Variants in ADCY5 observed in about 807,000 individuals in gnomAD.
ADCY5 encodes adenylate cyclase type 5.
Under a neutral mutation model 119.7 loss-of-function variants are expected in ADCY5, and 30 were observed. The ratio of observed to expected loss-of-function variants is 0.25; its 90% CI spans 0.19 to 0.34. ADCY5 has a LOEUF of 0.34. Among genes scored for constraint, ADCY5 ranks in the 10% least tolerant of loss-of-function variants. ADCY5 has a pLI of 1.00. For synonymous variants in ADCY5, 753 were observed against 762.2 expected (o/e 0.99, Z 0.20); for missense variants, 1,324 against 1,775.2 (o/e 0.75, Z 4.57).
intron 1 of ADCY5, among the ~76,000 whole-genome samples, chr3:123,378,535 G>A (rs1284571570): frequency 1.3e-5 from 2 of 152,194 alleles, no homozygotes. Flanking sequence ...GGGAGGCGAT[G>A]ACTGAGCTCC....
Position 123,448,198 on chromosome 3 carries a change from G to A in ADCY5, c.348C>T (p.Arg116=). ...RGGDDCGRGS[R]RQRRGAASGG... ...CGCTGGCCGCGCCCCGCCGCTGCCGGCGGCTGCCGCGACCGCAGTCGTCGC... is the reference window on the plus strand; with the variant it reads ...CGCTGGCCGCGCCCCGCCGCTGCCGACGGCTGCCGCGACCGCAGTCGTCGC... The change falls in exon 1 of 21, where the codon CGC becomes CGT. Residue 116 remains arginine (R), a synonymous_variant. Coordinates refer to ENST00000462833, the MANE Select transcript of ADCY5 (RefSeq NM_183357.3). 1.6e-6 allele frequency: 2 copies of A among 1,242,150 alleles called. No homozygotes were observed. The highest frequency in any genetic ancestry group is 2.0e-6 in the Non-Finnish European group (2 of 994,472). 76.9% of individuals were successfully genotyped at this position (1,242,150 alleles called of 1,614,324 possible).
chr3:123,382,112 C>T (rs912226019), intron 1 of ADCY5, among the ~76,000 whole-genome samples: 1 of 152,196 alleles, frequency 6.6e-6, no homozygotes, highest in Non-Finnish European at 1.5e-5. Context: ...ATTCCCACCC[C>T]AGGGCCTTTG....
rs747839744 is a variant in ADCY5 at position 123,325,415 on chromosome 3, G to A, written c.1995C>T (p.Asn665=). 37 of 1,614,092 alleles carry A rather than the reference G, an allele frequency of 2.3e-5. No homozygotes were observed. Among genetic ancestry groups the A allele is most frequent in the Non-Finnish European group, 3.0e-5 (35 of 1,180,040 alleles). The part of the protein sequence containing the change: ...MIAKMNRQRT[N]SIGHNPPHWG... ...AGTGTGGTGGGTTGTGCCCGATGGA[G>A]TTGGTTCTCTGGCGGTTCATCTTGG... is the stretch of plus-strand genomic sequence containing the variant. Residue 665 remains asparagine, a synonymous_variant, in exon 8 of 21, where the codon AAC becomes AAT. Coordinates refer to ENST00000462833, the MANE Select transcript of ADCY5 (RefSeq NM_183357.3).
intron 7 of ADCY5, 66 bp downstream of exon 7, chr3:123,327,552 G>A (rs1322130012): frequency 1.4e-6 from 2 of 1,476,368 alleles, no homozygotes; most frequent in African/African-American, 1.4e-5. Context: ...GGAAGCAGCA[G>A]GTCACGAAAA....
At chr3:123,326,215 A>T (rs916113548) in intron 7 of ADCY5, among the ~76,000 whole-genome samples, 3 of 152,212 alleles carry the variant, frequency 2.0e-5, no homozygotes, top group African/African-American at 7.2e-5. Flanking sequence ...AAGTTATGAG[A>T]TTCAAGAGCT....
chr3:123,346,607 T>TTCTCTCTCTCTC (rs72299981), intron 3 of ADCY5, among the ~76,000 whole-genome samples: 3,761 of 127,752 alleles, frequency 0.029, 76 homozygotes, highest in East Asian at 0.042. Context: ...CAGCCTCACC[T>TTCTCTCTCTCTC]TCTCTCTCTC....
At chr3:123,433,184 G>A (rs1031795566) in intron 1 of ADCY5, among the ~76,000 whole-genome samples, 4 of 152,184 alleles carry the variant, frequency 2.6e-5, no homozygotes, top group Admixed American at 1.3e-4. Flanking sequence ...TTAGATTGGC[G>A]GTGTCAGATG....
At chr3:123,435,725 C>T (rs544652088) in intron 1 of ADCY5, among the ~76,000 whole-genome samples, 530 of 151,888 alleles carry the variant, frequency 3.5e-3, no homozygotes, top group Non-Finnish European at 6.1e-3. Flanking sequence ...AGTAAAAATT[C>T]AGCTGGGCGT....
chr3:123,447,948 C>G lies in ADCY5; in HGVS notation c.598G>C (p.Gly200Arg). 1 of 1,538,262 alleles carries G rather than the reference C, an allele frequency of 6.5e-7. No individual in the cohort carries two copies. Among genetic ancestry groups the G allele is most frequent in the Non-Finnish European group, 8.8e-7 (1 of 1,141,956 alleles). The change falls in exon 1 of 21, where the codon GGC becomes CGC. Residue 200 changes from glycine to arginine, a missense_variant. Physicochemically the swap from Gly to Arg is moderately radical, Grantham distance 125. Transcript: ENST00000462833. ...CAGGCGCCCAGGGACAGCACCGCGC[C>G]GGGCCCCGCGCCCGAGCCCGAGTCC... ...SADSGSGAGP[G>R]AVLSLGACCL...
At chr3:123,379,617 G>C (rs985615157) in intron 1 of ADCY5, among the ~76,000 whole-genome samples, 1 of 152,020 alleles carries the variant, frequency 6.6e-6, no homozygotes, top group Non-Finnish European at 1.5e-5. Flanking sequence ...TGTGGAGAAG[G>C]GGGTGGGTGA....
chr3:123,448,235 T>C lies in ADCY5; in HGVS notation c.311A>G (p.Gln104Arg), dbSNP rs781642194. The C allele has an allele frequency of 4.2e-6, 6 of 1,425,642 alleles. No individual in the cohort carries two copies. Among genetic ancestry groups the C allele is most frequent in the Non-Finnish European group, 5.5e-6 (6 of 1,091,118 alleles). The allele number at this position is 1,425,642 out of a possible 1,614,324, so 88.3% of individuals were successfully genotyped here. The change falls in exon 1 of 21, where the codon CAG becomes CGG. Residue 104 changes from glutamine to arginine, a missense_variant. Coordinates refer to ENST00000462833, the MANE Select transcript of ADCY5 (RefSeq NM_183357.3). ...GFSFRSKSAWQERGGDDCGRG... is the reference protein window; with the variant it reads ...GFSFRSKSAWRERGGDDCGRG... ...ACCGCAGTCGTCGCCGCCGCGCTCC[T>C]GCCAGGCGGACTTGGAGCGGAAGCT...
At chr3:123,380,771 T>G (rs546304987) in intron 1 of ADCY5, among the ~76,000 whole-genome samples, 1 of 152,342 alleles carries the variant, frequency 6.6e-6, no homozygotes, top group Non-Finnish European at 1.5e-5. Context: ...GTGCTAACTG[T>G]GCTCAATAAA....
intron 1 of ADCY5, among the ~76,000 whole-genome samples, chr3:123,446,967 G>T (rs1326035259): frequency 6.6e-6 from 1 of 152,172 alleles, no homozygotes; most frequent in Non-Finnish European, 1.5e-5. Flanking sequence ...GGGGTGCAGG[G>T]TGTCCCCTCA....
chr3:123,315,231 A>G (rs1327815874), intron 11 of ADCY5, among the ~76,000 whole-genome samples: 1 of 152,232 alleles, frequency 6.6e-6, no homozygotes, highest in Non-Finnish European at 1.5e-5. Context: ...GAACACCTCT[A>G]GGGAGGATTC....
At position 123,289,875 on chromosome 3, in the gene ADCY5, T is replaced by C; in HGVS notation, c.3407A>G (p.Asn1136Ser). Reference sequence around the variant, plus strand: ...GCCCACCTTGTCGTAGGTAGAGTCGTTGAGGCCGGAGGCAGCCATGTAGGT... The same window carrying C: ...GCCCACCTTGTCGTAGGTAGAGTCGCTGAGGCCGGAGGCAGCCATGTAGGT... The part of the protein sequence containing the change: ...GSTYMAASGL[N>S]DSTYDKVGKT... The change falls in exon 19 of 21, where the codon AAC becomes AGC. Residue 1136 changes from asparagine (N) to serine (S), a missense_variant. This residue lies in a region of ADCY5 where 178 missense variants were observed against 329.6 expected (regional missense o/e 0.54). Coordinates refer to ENST00000462833, the MANE Select transcript of ADCY5 (RefSeq NM_183357.3). 6.2e-7 allele frequency: 1 copy of C among 1,614,236 alleles called. No individual in the cohort carries two copies. The highest frequency in any genetic ancestry group is 8.5e-7 in the Non-Finnish European group (1 of 1,180,046).
intron 1 of ADCY5, among the ~76,000 whole-genome samples, chr3:123,434,852 A>G (rs1945580475): frequency 1.3e-5 from 2 of 152,068 alleles, no homozygotes; most frequent in African/African-American, 4.8e-5. Context: ...CCCTAACCCT[A>G]ACAGACCATG....
At chr3:123,299,378 G>A (rs2108243568) in intron 15 of ADCY5, among the ~76,000 whole-genome samples, 1 of 152,266 alleles carries the variant, frequency 6.6e-6, no homozygotes, top group South Asian at 2.1e-4. Context: ...CTTAGTTTGG[G>A]TTGACAATAT....
chr3:123,383,972 A>G (rs62262384), intron 1 of ADCY5, among the ~76,000 whole-genome samples: 23 of 97,820 alleles, frequency 2.4e-4, no homozygotes, highest in Non-Finnish European at 3.8e-4. Context: ...GCGCGCGCAC[A>G]CACACACACA....
intron 1 of ADCY5, among the ~76,000 whole-genome samples, chr3:123,441,847 TTTCTAACAGCC>T (rs913519303): frequency 4.6e-5 from 7 of 152,106 alleles, no homozygotes; most frequent in African/African-American, 1.7e-4. Flanking sequence ...CTGTGGGCCT[TTTCTAACAGCC>T]ATCCCAAAAT....
Sources: gnomAD v4.1 joint callset for allele counts (sites outside exome capture counted in the v4.1 genomes callset) on GRCh38, gnomAD v4.1.1 for gene constraint, gnomAD v4.1.1 regional missense constraint, MANE v1.5 for transcripts, NCBI Gene and HGNC (gene_info 2026-07-23, HGNC 2026-07-21) for gene names.